Variants in BIRC6 observed in about 807,000 individuals in gnomAD.
The protein encoded by BIRC6 is dual E2 ubiquitin-conjugating enzyme/E3 ubiquitin-protein ligase BIRC6.
In BIRC6, 98 loss-of-function variants were observed where a neutral mutation model predicts 503.3. The observed-to-expected ratio is 0.19, with a 90% CI of 0.17 to 0.23. The LOEUF is 0.23. Ranked by LOEUF, BIRC6 falls within the 10% of genes least tolerant of loss-of-function variation. The pLI is 1.00. For missense variants in BIRC6, 5,360 were observed against 5,806.0 expected, an observed-to-expected ratio of 0.92 and a Z score of 2.50; for synonymous variants, 2,240 against 2,078.7, an observed-to-expected ratio of 1.08 and a Z score of -2.11.
At chr2:32,410,729 C>T (rs2041769430) in intron 9 of BIRC6, among the ~76,000 whole-genome samples, 4 of 149,780 alleles carry the variant, frequency 2.7e-5, no homozygotes. Flanking sequence ...GAAATGGAGT[C>T]TCGCTCTGTC....
chr2:32,405,734 A>G (rs771742802), intron 8 of BIRC6, among the ~76,000 whole-genome samples: 2 of 152,234 alleles, frequency 1.3e-5, no homozygotes, highest in Non-Finnish European at 2.9e-5. Context: ...ACATGTGAGT[A>G]CACAAACATA....
rs1166072996 is a variant in BIRC6 at position 32,440,724 on chromosome 2, GTTATT to G, written c.3811-594_3811-590del. Among the ~76,000 whole-genome samples, 8 of 144,506 alleles carry G rather than the reference GTTATT, an allele frequency of 5.5e-5. No homozygotes were observed. The East Asian group carries it at 1.5e-3, about 28-fold the overall frequency. 94.8% of individuals were successfully genotyped at this position (144,506 alleles called of 152,430 possible). The stretch of plus-strand genomic sequence containing the variant: ...TGGGGAGCCTGACATATCTCACGTA[GTTATT>G]TTATTTTATTGTGTTTATTTATTTA... On this transcript the variant is annotated intron_variant, in intron 16 of 73. Transcript: ENST00000421745.
intron 65 of BIRC6, chr2:32,565,728 A>C (rs1272150554): frequency 6.6e-6 from 1 of 152,238 alleles, no homozygotes; most frequent in Non-Finnish European, 1.5e-5. Context: ...ATAGTTCTGC[A>C]GGGCTGGGGA....
intron 66 of BIRC6, among the ~76,000 whole-genome samples, chr2:32,576,764 A>C (rs1193021082): frequency 6.6e-6 from 1 of 152,148 alleles, no homozygotes; most frequent in Non-Finnish European, 1.5e-5. Context: ...CATTTATTTT[A>C]ATAGCTTTTG....
intron 32 of BIRC6, among the ~76,000 whole-genome samples, chr2:32,472,806 G>C (rs1163077366): frequency 6.6e-6 from 1 of 152,162 alleles, no homozygotes. Context: ...GAAATTGAAT[G>C]ACATCATCAA....
chr2:32,429,369 A>T (rs756176702), intron 11 of BIRC6, 74 bp downstream of exon 11: 46 of 1,124,014 alleles, frequency 4.1e-5, no homozygotes, highest in Non-Finnish European at 5.5e-5. Context: ...TTGTTGGAAG[A>T]TGTAAACATA....
intron 20 of BIRC6, among the ~76,000 whole-genome samples, 173 bp downstream of exon 20, chr2:32,443,761 A>T (rs115098931): frequency 0.042 from 6,404 of 152,284 alleles, 211 homozygotes; most frequent in Middle Eastern, 0.068. Flanking sequence ...ATACTCCGTC[A>T]ATAGTACTCC....
In BIRC6 at chr2:32,467,663, T is replaced by C; in HGVS notation, c.5495T>C (p.Val1832Ala). The C allele has an allele frequency of 6.2e-7, 1 of 1,613,914 alleles. No individual in the cohort carries two copies. Among genetic ancestry groups the C allele is most frequent in the Non-Finnish European group, 8.5e-7 (1 of 1,179,852 alleles). The change falls in exon 27 of 74, where the codon GTA becomes GCA. Residue 1832 changes from valine to alanine, a missense_variant. Val to Ala is a moderately conservative substitution (Grantham distance 64, BLOSUM62 0). Around this residue, in one of 16 missense-constraint regions of BIRC6, gnomAD observed 2,299 missense variants for 2,267.2 expected, o/e 1.01. Coordinates refer to ENST00000421745, the MANE Select transcript of BIRC6 (RefSeq NM_016252.4). The stretch of plus-strand genomic sequence containing the variant: ...GAAGAGGTGGATGGAAGGCGGTTGG[T>C]AGTGGCAACTGATATAAGCACTCAT... ...LGEEVDGRRL[V>A]VATDISTHSL...
At position 32,560,061 on chromosome 2, in the gene BIRC6, CAT is replaced by C. The variant is rs776825287; in HGVS notation, c.13144+10581_13144+10582del. On this transcript the variant is annotated intron_variant, in intron 65 of 73. Coordinates refer to ENST00000421745, the MANE Select transcript of BIRC6 (RefSeq NM_016252.4). The stretch of plus-strand genomic sequence containing the variant: ...AATAATAAATCCGATATAAATAACA[CAT>C]GTCAGGTTCCAGACATAGGCATAGA... 3.9e-5 allele frequency among the ~76,000 whole-genome samples: 6 copies of C among 152,218 alleles called. No homozygotes were observed. In the East Asian group the frequency reaches 5.8e-4, roughly 15 times the overall value.
At chr2:32,564,627 A>T (rs2059411053) in intron 65 of BIRC6, 1 of 152,230 alleles carries the variant, frequency 6.6e-6, no homozygotes, top group Non-Finnish European at 1.5e-5. Flanking sequence ...GTGTTCATTG[A>T]CTATTCACCT....
At chr2:32,436,912 A>G (rs1318741868) in intron 15 of BIRC6, among the ~76,000 whole-genome samples, 1 of 129,676 alleles carries the variant, frequency 7.7e-6, no homozygotes, top group Non-Finnish European at 1.6e-5. Context: ...TTTTTGAGAC[A>G]GAGTTTTGCT....
At chr2:32,496,543 AT>A (rs1553465203) in intron 45 of BIRC6, among the ~76,000 whole-genome samples, 1 of 152,142 alleles carries the variant, frequency 6.6e-6, no homozygotes, top group Non-Finnish European at 1.5e-5. Context: ...CATACAGTGT[AT>A]TATATAGAAT....
chr2:32,368,294 A>G (rs538179053), intron 1 of BIRC6, among the ~76,000 whole-genome samples: 1 of 152,160 alleles, frequency 6.6e-6, no homozygotes, highest in Admixed American at 6.5e-5. Context: ...TAATCCCAGC[A>G]CTTTGGGAGG....
intron 1 of BIRC6, among the ~76,000 whole-genome samples, chr2:32,362,665 C>T (rs1573630198): frequency 6.6e-6 from 1 of 152,072 alleles, no homozygotes; most frequent in Admixed American, 6.6e-5. Flanking sequence ...CTTGACCATA[C>T]TGTTCATATT....
chr2:32,445,412 G>T (rs1574256919), intron 20 of BIRC6, 109 bp from the exon 21 acceptor site: 6 of 1,103,766 alleles, frequency 5.4e-6, no homozygotes, highest in East Asian at 2.7e-5. Context: ...AGAAAAGGGA[G>T]TATCTTTCTA....
intron 30 of BIRC6, 51 bp from the exon 31 acceptor site, chr2:32,470,117 A>T: frequency 7.6e-7 from 1 of 1,321,342 alleles, no homozygotes; most frequent in Non-Finnish European, 9.9e-7. Flanking sequence ...TTAAAAATTG[A>T]ACAATCGAAT....
In BIRC6 at chr2:32,600,274, C is replaced by G. The variant is rs994713842; in HGVS notation, c.13992+374C>G. Among the ~76,000 whole-genome samples the G allele has an allele frequency of 2.8e-4, 42 of 152,154 alleles. 1 individual carries two copies. The highest frequency in any genetic ancestry group is 2.4e-3 in the Admixed American group (36 of 15,272). The stretch of plus-strand genomic sequence containing the variant: ...GCTGACCAAAAGACATAATAAAAAT[C>G]ATCTCATATGACCATAAACCTTTTA... On this transcript the variant is annotated intron_variant, in intron 70 of 73. Transcript: ENST00000421745.
intron 8 of BIRC6, among the ~76,000 whole-genome samples, chr2:32,404,558 C>A (rs2040977875): frequency 6.6e-6 from 1 of 152,134 alleles, no homozygotes; most frequent in Admixed American, 6.5e-5. Flanking sequence ...ACGTGATGTG[C>A]CTGCTTCAGC....
intron 9 of BIRC6, among the ~76,000 whole-genome samples, chr2:32,412,005 G>T (rs948059184): frequency 1.3e-5 from 2 of 151,878 alleles, no homozygotes; most frequent in South Asian, 2.1e-4. Flanking sequence ...GTCTTGAACG[G>T]AACTCCTAAT....
Sources: gnomAD v4.1 joint callset for allele counts (sites outside exome capture counted in the v4.1 genomes callset) on GRCh38, gnomAD v4.1.1 for gene constraint, gnomAD v4.1.1 regional missense constraint, MANE v1.5 for transcripts, NCBI Gene and HGNC (gene_info 2026-07-23, HGNC 2026-07-21) for gene names.